Variants in CHCHD3 observed in about 807,000 individuals in gnomAD.
The protein encoded by CHCHD3 is MICOS complex subunit MIC19.
In CHCHD3, 20 loss-of-function variants were observed where a neutral mutation model predicts 38.2. That is an observed-to-expected ratio of 0.52 (90% CI 0.37 to 0.76). The LOEUF (loss-of-function observed/expected upper bound fraction) is 0.76, where lower values mean the gene tolerates loss of function less well. Among genes scored for constraint, CHCHD3 ranks in the 30% least tolerant of loss-of-function variants. CHCHD3 has a pLI of 0.00. For missense variants in CHCHD3, 245 were observed against 279.2 expected (o/e 0.88, Z 0.87); for synonymous variants, 82 against 100.0 (o/e 0.82, Z 1.07).
At chr7:132,910,252 G>C (rs993876087) in intron 4 of CHCHD3, among the ~76,000 whole-genome samples, 1 of 152,126 alleles carries the variant, frequency 6.6e-6, no homozygotes, top group Non-Finnish European at 1.5e-5. Flanking sequence ...AGGGCAGGGG[G>C]TATTTCTTTT....
intron 6 of CHCHD3, among the ~76,000 whole-genome samples, chr7:132,837,808 G>A (rs958807763): frequency 2.6e-5 from 4 of 152,180 alleles, no homozygotes; most frequent in Non-Finnish European, 1.5e-5. Flanking sequence ...AGAACTGGCA[G>A]CAAAGGGAAA....
chr7:132,933,200 T>G (rs1037380858), intron 4 of CHCHD3, among the ~76,000 whole-genome samples: 1 of 152,220 alleles, frequency 6.6e-6, no homozygotes, highest in South Asian at 2.1e-4. Flanking sequence ...ACTTATCAAC[T>G]GAGTCATATT....
intron 4 of CHCHD3, among the ~76,000 whole-genome samples, chr7:132,931,514 C>A (rs1031019735): frequency 6.6e-6 from 1 of 152,134 alleles, no homozygotes; most frequent in African/African-American, 2.4e-5. Context: ...TTTTCTTATA[C>A]TAGAACATAA....
At chr7:132,989,220 G>A (rs1055624051) in intron 3 of CHCHD3, among the ~76,000 whole-genome samples, 15 of 152,028 alleles carry the variant, frequency 9.9e-5, no homozygotes, top group Non-Finnish European at 1.9e-4. Flanking sequence ...AAAACCAAGA[G>A]GACATTTATT....
chr7:132,914,192 G>A (rs1295502034), intron 4 of CHCHD3, among the ~76,000 whole-genome samples: 1 of 150,844 alleles, frequency 6.6e-6, no homozygotes, highest in African/African-American at 2.4e-5. Flanking sequence ...GTTTCACCAT[G>A]TTGGCCAGGA....
chr7:133,050,156 G>C (rs1321156899), intron 2 of CHCHD3, among the ~76,000 whole-genome samples: 1 of 151,816 alleles, frequency 6.6e-6, no homozygotes, highest in Non-Finnish European at 1.5e-5. Context: ...AGATCAGCCT[G>C]GCCAACATGG....
intron 4 of CHCHD3, among the ~76,000 whole-genome samples, chr7:132,925,189 G>T (rs1404759103): frequency 1.3e-5 from 2 of 151,666 alleles, no homozygotes; most frequent in Non-Finnish European, 2.9e-5. Context: ...AATGGTAGAA[G>T]AAAAGGATGC....
Position 133,070,213 on chromosome 7 carries a change from A to G in CHCHD3, c.98T>C (p.Ile33Thr). The G allele has an allele frequency of 6.2e-7, 1 of 1,613,584 alleles. No individual in the cohort carries two copies. The highest frequency in any genetic ancestry group is 8.5e-7 in the Non-Finnish European group (1 of 1,179,886). ...VKGIRLSENV[I>T]DRMKESSPSG... ...TGGAGAGGATTCCTTCATTCGATCA[A>G]TCACATTTTCCGAAAGCTGGAAAAG... Residue 33 changes from isoleucine to threonine, a missense_variant, in exon 2 of 8, where the codon ATT (isoleucine) becomes ACT (threonine). Ile to Thr is a moderately conservative substitution (Grantham distance 89). Transcript: ENST00000262570.
At chr7:132,881,153 A>G (rs1809042639) in intron 5 of CHCHD3, among the ~76,000 whole-genome samples, 1 of 152,150 alleles carries the variant, frequency 6.6e-6, no homozygotes, top group Non-Finnish European at 1.5e-5. Context: ...AACTCATTCT[A>G]AAAAGGGTGA....
intron 5 of CHCHD3, chr7:132,848,963 T>C (rs914652072): frequency 2.0e-5 from 3 of 152,196 alleles, no homozygotes; most frequent in African/African-American, 7.2e-5. Flanking sequence ...GATTGCAAAT[T>C]GCCAACATCG....
chr7:132,890,226 T>C (rs1448793884), intron 4 of CHCHD3, among the ~76,000 whole-genome samples: 1 of 152,188 alleles, frequency 6.6e-6, no homozygotes, highest in Non-Finnish European at 1.5e-5. Context: ...TGTTGATAGC[T>C]AGATTAAAAG....
intron 6 of CHCHD3, among the ~76,000 whole-genome samples, chr7:132,837,330 A>G (rs1221415561): frequency 4.6e-5 from 7 of 152,294 alleles, no homozygotes; most frequent in African/African-American, 1.4e-4. Context: ...GTAACTTAAA[A>G]AATCTATAAC....
At chr7:132,856,387 C>T (rs1808343445) in intron 5 of CHCHD3, among the ~76,000 whole-genome samples, 1 of 152,190 alleles carries the variant, frequency 6.6e-6, no homozygotes, top group Non-Finnish European at 1.5e-5. Flanking sequence ...GTGATCTGAA[C>T]ACATTTCAAG....
At chr7:132,862,487 G>T (rs1223747558) in intron 5 of CHCHD3, among the ~76,000 whole-genome samples, 2 of 152,206 alleles carry the variant, frequency 1.3e-5, no homozygotes, top group African/African-American at 4.8e-5. Context: ...ACTAAAAAAT[G>T]CTAACAATCA....
chr7:132,931,580 C>T (rs1012941378), intron 4 of CHCHD3, among the ~76,000 whole-genome samples: 1 of 151,972 alleles, frequency 6.6e-6, no homozygotes, highest in East Asian at 1.9e-4. Context: ...TTTAGCCTTC[C>T]GTATAATTTT....
chr7:132,935,736 G>T (rs576971398), intron 4 of CHCHD3, among the ~76,000 whole-genome samples: 1 of 152,164 alleles, frequency 6.6e-6, no homozygotes, highest in Admixed American at 6.5e-5. Flanking sequence ...TCTATCATAG[G>T]GTGTTTAGTC....
Position 132,999,955 on chromosome 7 carries a change from A to G in CHCHD3, c.251+24591T>C, listed in dbSNP as rs193146098. Among the ~76,000 whole-genome samples, 967 of 152,332 alleles carry G rather than the reference A, an allele frequency of 6.3e-3. 4 individuals carry two copies. Among genetic ancestry groups the G allele is most frequent in the Middle Eastern group, 0.017 (5 of 294 alleles). ...GCATTATGTTTAAAAAATCAGATGG[A>G]TTTTACCATCAAATATAGTATCATT... is the stretch of plus-strand genomic sequence containing the variant. On this transcript the variant is annotated intron_variant, in intron 3 of 7. Coordinates refer to ENST00000262570, the MANE Select transcript of CHCHD3 (RefSeq NM_017812.4).
intron 5 of CHCHD3, among the ~76,000 whole-genome samples, chr7:132,850,036 GT>G (rs1360109137): frequency 1.3e-5 from 2 of 152,152 alleles, no homozygotes; most frequent in Admixed American, 1.3e-4. Context: ...GCCCTAAGAT[GT>G]TTGCTTTTTT....
intron 3 of CHCHD3, among the ~76,000 whole-genome samples, chr7:132,978,481 C>A (rs765106894): frequency 1.3e-5 from 2 of 152,100 alleles, no homozygotes; most frequent in Non-Finnish European, 2.9e-5. Context: ...TATAAAAGTG[C>A]CTGCCACATA....
Sources: allele counts gnomAD v4.1 joint callset (sites outside exome capture counted in the v4.1 genomes callset), GRCh38; gene constraint gnomAD v4.1.1; transcripts MANE v1.5; gene names NCBI Gene and HGNC (gene_info 2026-07-23, HGNC 2026-07-21).